The following KCNH1 variants were observed in gnomAD, a reference collection of about 807,000 sequenced individuals.
KCNH1 encodes the protein potassium voltage-gated channel subfamily H member 1, also known as voltage-gated delayed rectifier potassium channel KCNH1.
In KCNH1, 27 loss-of-function variants were observed where a neutral mutation model predicts 69.2. The observed-to-expected ratio is 0.39, with a 90% CI of 0.29 to 0.54. KCNH1 has a LOEUF of 0.54. Among genes scored for constraint, KCNH1 ranks in the 20% least tolerant of loss-of-function variants. The pLI is 0.68. For synonymous variants in KCNH1, 456 were observed against 487.7 expected (o/e 0.93, Z 0.86); for missense variants, 798 against 1,261.6 (o/e 0.63, Z 5.57).
chr1:211,113,537 C>G (rs1018529393), intron 1 of KCNH1, among the ~76,000 whole-genome samples: 1 of 152,112 alleles, frequency 6.6e-6, no homozygotes, highest in Non-Finnish European at 1.5e-5. Flanking sequence ...CTATAACAGT[C>G]CTGCTCCCAT....
At chr1:211,081,258 C>T (rs2102465966) in intron 5 of KCNH1, among the ~76,000 whole-genome samples, 1 of 152,294 alleles carries the variant, frequency 6.6e-6, no homozygotes, top group Non-Finnish European at 1.5e-5. Flanking sequence ...CAAATCAAAA[C>T]CACGATGAGA....
At chr1:211,101,854 G>A (rs1055138479) in intron 3 of KCNH1, among the ~76,000 whole-genome samples, 2 of 152,154 alleles carry the variant, frequency 1.3e-5, no homozygotes. Context: ...ATTTTCTAAA[G>A]GTAAAAGCTA....
intron 5 of KCNH1, among the ~76,000 whole-genome samples, chr1:211,039,906 A>G (rs2088878): frequency 0.75 from 114,824 of 152,106 alleles, 43,771 homozygotes; most frequent in East Asian, 0.89. Flanking sequence ...TTAAGACTTC[A>G]GGGCTGGGTG....
intron 9 of KCNH1, among the ~76,000 whole-genome samples, chr1:210,791,694 G>A (rs1483418043): frequency 6.6e-6 from 1 of 152,156 alleles, no homozygotes; most frequent in Non-Finnish European, 1.5e-5. Context: ...CACTAGCCAT[G>A]CATTTGTCTC....
chr1:210,685,751 C>G (rs1681395674), intron 10 of KCNH1, among the ~76,000 whole-genome samples: 1 of 152,190 alleles, frequency 6.6e-6, no homozygotes, highest in South Asian at 2.1e-4. Flanking sequence ...CTCACCCTAC[C>G]TCCTCCAAGA....
At chr1:210,881,185 T>C (rs1686487491) in intron 7 of KCNH1, among the ~76,000 whole-genome samples, 1 of 152,154 alleles carries the variant, frequency 6.6e-6, no homozygotes, top group Admixed American at 6.5e-5. Flanking sequence ...GTATATTTTG[T>C]TGAGATGGGC....
intron 10 of KCNH1, among the ~76,000 whole-genome samples, chr1:210,765,924 G>T (rs1770212): frequency 2.9e-4 from 44 of 151,860 alleles, no homozygotes; most frequent in African/African-American, 9.9e-4. Context: ...TTAGCCGGGC[G>T]TGGTGGCAGG....
At chr1:211,070,397 G>A (rs1275716338) in intron 5 of KCNH1, among the ~76,000 whole-genome samples, 1 of 149,034 alleles carries the variant, frequency 6.7e-6, no homozygotes, top group Non-Finnish European at 1.5e-5. Flanking sequence ...CAGCCTGGGC[G>A]ACAGAGCGAG....
At chr1:210,744,967 C>A (rs1238036465) in intron 10 of KCNH1, among the ~76,000 whole-genome samples, 1 of 141,802 alleles carries the variant, frequency 7.1e-6, no homozygotes, top group Non-Finnish European at 1.5e-5. Flanking sequence ...CTTTGGGAGG[C>A]CAAGGCGGGT....
chr1:210,719,898 A>G (rs1157979172), intron 10 of KCNH1, among the ~76,000 whole-genome samples: 1 of 152,182 alleles, frequency 6.6e-6, no homozygotes, highest in Non-Finnish European at 1.5e-5. Context: ...AGGTTCAAAC[A>G]TCTGACTCAA....
At chr1:210,687,884 G>A (rs886691293) in intron 10 of KCNH1, among the ~76,000 whole-genome samples, 1 of 152,264 alleles carries the variant, frequency 6.6e-6, no homozygotes, top group South Asian at 2.1e-4. Flanking sequence ...CATGGCAAGA[G>A]TGTATCCTGG....
intron 2 of KCNH1, 33 bp downstream of exon 2, chr1:211,107,221 A>G (rs763037597): frequency 6.2e-7 from 1 of 1,610,854 alleles, no homozygotes; most frequent in Non-Finnish European, 8.5e-7. Context: ...ACCATAATAG[A>G]TTGTTCACCA....
intron 6 of KCNH1, among the ~76,000 whole-genome samples, chr1:210,973,838 T>G (rs1026420717): frequency 2.6e-5 from 4 of 152,212 alleles, no homozygotes; most frequent in Non-Finnish European, 5.9e-5. Flanking sequence ...TGTTACATAT[T>G]TAAAGATAAT....
intron 6 of KCNH1, among the ~76,000 whole-genome samples, chr1:210,948,538 T>A (rs1688003107): frequency 1.3e-5 from 2 of 151,904 alleles, no homozygotes; most frequent in South Asian, 2.1e-4. Context: ...ATAGAAAATA[T>A]CTAGATGGAG....
chr1:210,840,040 T>C (rs1350368336), intron 7 of KCNH1, among the ~76,000 whole-genome samples: 2 of 152,274 alleles, frequency 1.3e-5, no homozygotes, highest in South Asian at 2.1e-4. Context: ...ACAGTCCTGA[T>C]GTTTTCTGAA....
intron 6 of KCNH1, among the ~76,000 whole-genome samples, chr1:210,958,458 C>G (rs1476232935): frequency 6.6e-6 from 1 of 152,166 alleles, no homozygotes; most frequent in Non-Finnish European, 1.5e-5. Context: ...GTTGGCCTGC[C>G]TTGCCTGGTT....
intron 10 of KCNH1, among the ~76,000 whole-genome samples, chr1:210,749,742 C>CTTTT (rs34174582): frequency 8.4e-5 from 11 of 130,526 alleles, no homozygotes; most frequent in African/African-American, 2.9e-4. Flanking sequence ...AGGCTGCTCA[C>CTTTT]TTTTTTTTTT....
At chr1:210,821,786 AAT>A (rs1468626989) in intron 7 of KCNH1, among the ~76,000 whole-genome samples, 1 of 151,828 alleles carries the variant, frequency 6.6e-6, no homozygotes, top group African/African-American at 2.4e-5. Context: ...CACTTGGTCC[AAT>A]AGATTAACTC....
At chr1:210,791,876 A>G (rs1053164055) in intron 9 of KCNH1, among the ~76,000 whole-genome samples, 1 of 152,222 alleles carries the variant, frequency 6.6e-6, no homozygotes, top group Non-Finnish European at 1.5e-5. Flanking sequence ...GTACCTTCCA[A>G]ATTAGGAACT....
Sources: gnomAD v4.1 joint callset for allele counts (sites outside exome capture counted in the v4.1 genomes callset) on GRCh38, gnomAD v4.1.1 for gene constraint, MANE v1.5 for transcripts, NCBI Gene and HGNC (gene_info 2026-07-23, HGNC 2026-07-21) for gene names.